Variants in ZNF749 observed in about 807,000 individuals in gnomAD.
ZNF749 encodes the protein zinc finger protein 749.
A neutral mutation model predicts 7.3 loss-of-function variants in ZNF749; 8 were observed. The observed-to-expected ratio is 1.10, with a 90% CI of 0.64 to 1.98. The LOEUF is 1.98. Ranked by LOEUF, ZNF749 falls within the 30% of genes most tolerant of loss-of-function variation. ZNF749 has a pLI of 0.00. For missense variants in ZNF749, 898 were observed against 932.4 expected (o/e 0.96, Z 0.48); for synonymous variants, 310 against 322.4 (o/e 0.96, Z 0.41).
rs1443494313 is a variant in ZNF749, at chr19:57,436,487, G to A, written c.15+894G>A. Among the ~76,000 whole-genome samples the A allele has an allele frequency of 6.6e-6, 1 of 152,164 alleles. No homozygotes were observed. The highest frequency in any genetic ancestry group is 1.5e-5 in the Non-Finnish European group (1 of 68,030). ...ACTCCCTGCAGAAGGGAGCAGATAT[G>A]GGCTAAGAGTCTGGTCTGTTTCTGT... On this transcript the variant is annotated intron_variant, in intron 1 of 2. Transcript: ENST00000334181. The surrounding 1 kb of genome is among the most constrained non-coding windows in gnomAD (Gnocchi z 4.0).
rs755842075 is a variant in ZNF749, at chr19:57,443,874, T to G, written c.726T>G (p.Tyr242Ter). The change falls in exon 3 of 3, where the codon TAT becomes TAG. Residue 242 changes from tyrosine (Y) to a stop codon, truncating the protein, a stop_gained. Coordinates refer to ENST00000334181, the MANE Select transcript of ZNF749 (RefSeq NM_001023561.4). LOFTEE classifies it low-confidence loss of function (END_TRUNC). ...LFRYNSNLIK[Y>*]QQNHAGERPY... ...GGTACAACTCCAACCTTATTAAATA[T>G]CAGCAAAATCATGCTGGAGAAAGGC... 1 of 1,613,518 alleles carries G rather than the reference T, an allele frequency of 6.2e-7. No homozygotes were observed. The highest frequency in any genetic ancestry group is 2.2e-5 in the East Asian group (1 of 44,880).
At position 57,439,650 on chromosome 19, in the gene ZNF749, G is replaced by A. The variant is rs1008407917; in HGVS notation, c.16-2235G>A. Among the ~76,000 whole-genome samples the A allele has an allele frequency of 9.2e-5, 14 of 151,968 alleles. No individual in the cohort carries two copies. The highest frequency in any genetic ancestry group is 2.1e-4 in the South Asian group (1 of 4,802). On this transcript the variant is annotated intron_variant, in intron 1 of 2. Coordinates refer to ENST00000334181, the MANE Select transcript of ZNF749 (RefSeq NM_001023561.4). This position sits in a 1 kb window ranked among gnomAD's most constrained non-coding sequence, Gnocchi z 4.3. ...CGTCTCTCTGTGGTCTCAGCTAATCGGCGTGCTGAGGCAGGAGGGTCACCT... is the reference window on the plus strand; with the variant it reads ...CGTCTCTCTGTGGTCTCAGCTAATCAGCGTGCTGAGGCAGGAGGGTCACCT...
upstream of ZNF749, among the ~76,000 whole-genome samples, chr19:57,430,406 C>T (rs1413679547): frequency 6.6e-6 from 1 of 152,198 alleles, no homozygotes; most frequent in Non-Finnish European, 1.5e-5. Context: ...GGTTCCACCT[C>T]TTAATATTGT....
chr19:57,443,487 A>T lies in ZNF749; in HGVS notation c.339A>T (p.Thr113=). Residue 113 remains threonine, a synonymous_variant, in exon 3 of 3, where the codon ACA becomes ACT. Coordinates refer to ENST00000334181, the MANE Select transcript of ZNF749 (RefSeq NM_001023561.4). ...DGTHPEQGLY[T]CAAEHDLHQK... ...CACACCCTGAGCAAGGGCTGTACAC[A>T]TGTGCAGCAGAGCATGACCTGCACC... 1 of 1,614,218 alleles carries T rather than the reference A, an allele frequency of 6.2e-7. No individual in the cohort carries two copies. Among genetic ancestry groups the T allele is most frequent in the Non-Finnish European group, 8.5e-7 (1 of 1,180,008 alleles).
intron 2 of ZNF749, 103 bp from the exon 3 acceptor site, chr19:57,443,188 T>G (rs2089010438): frequency 9.0e-6 from 9 of 1,003,390 alleles, no homozygotes; most frequent in Non-Finnish European, 1.3e-5. Flanking sequence ...CTGTGACCAG[T>G]CCTGTGCCCT....
At position 57,445,369 on chromosome 19, in the gene ZNF749, C is replaced by T. The variant is rs776272470; in HGVS notation, c.2221C>T (p.Arg741Cys). 9 of 1,613,596 alleles carry T rather than the reference C, an allele frequency of 5.6e-6. No homozygotes were observed. Among genetic ancestry groups the T allele is most frequent in the South Asian group, 1.1e-5 (1 of 91,072 alleles). The change falls in exon 3 of 3, where the codon CGC (arginine) becomes TGC (cysteine). Residue 741 changes from arginine (R) to cysteine (C), a missense_variant. Physicochemically the swap from Arg to Cys is radical, Grantham distance 180 (BLOSUM62 -3). Coordinates refer to ENST00000334181, the MANE Select transcript of ZNF749 (RefSeq NM_001023561.4). ...CTTCAACAAATGTAATACTGGTCAG[C>T]GCCAAAAAACTCACACTGGAGAAAG... ...KDFNKCNTGQRQKTHTGERSY... is the reference protein window; with the variant it reads ...KDFNKCNTGQCQKTHTGERSY...
At chr19:57,435,259 G>C, upstream of ZNF749, 1 of 515,218 alleles carries the variant, frequency 1.9e-6, no homozygotes, top group South Asian at 2.2e-5. Context: ...TGCGGGGGCA[G>C]GGCAGCGAGT....
Position 57,445,552 on chromosome 19 carries a change from C to T in ZNF749, c.*67C>T. On this transcript the variant is annotated 3_prime_UTR_variant, in exon 3 of 3. Coordinates refer to ENST00000334181, the MANE Select transcript of ZNF749 (RefSeq NM_001023561.4). ...CAGCACCAAAAGGTTCACATCGGAC[C>T]AAGAACCTATTAATATATGTAAATC... 2 of 1,526,764 alleles carry T rather than the reference C, an allele frequency of 1.3e-6. No individual in the cohort carries two copies. Among genetic ancestry groups the T allele is most frequent in the South Asian group, 2.7e-5 (2 of 74,776 alleles). The allele number at this position is 1,526,764 out of a possible 1,614,324, so 94.6% of individuals were successfully genotyped here.
chr19:57,428,918 C>G, the ZNF749 span, among the ~76,000 whole-genome samples: 1 of 152,186 alleles, frequency 6.6e-6, no homozygotes, highest in Admixed American at 6.5e-5. Flanking sequence ...AATAAGTCCT[C>G]AAGTTCTTCC....
At position 57,444,572 on chromosome 19, in the gene ZNF749, G is replaced by A. The variant is rs1388610664; in HGVS notation, c.1424G>A (p.Arg475Lys). The change falls in exon 3 of 3, where the codon AGG (arginine) becomes AAG (lysine). Residue 475 changes from arginine to lysine, a missense_variant. Coordinates refer to ENST00000334181, the MANE Select transcript of ZNF749 (RefSeq NM_001023561.4). ...AGGTCTGACCTCATTCAACACAAGA[G>A]GATTGACATTAGGCCAAGGCCTTAT... ...SKRSDLIQHK[R>K]IDIRPRPYTC... is the part of the protein sequence containing the mutation. 1 of 1,613,388 alleles carries A rather than the reference G, an allele frequency of 6.2e-7. No individual in the cohort carries two copies. The highest frequency in any genetic ancestry group is 8.5e-7 in the Non-Finnish European group (1 of 1,179,854).
At chr19:57,440,860 G>A (rs2088980533) in intron 1 of ZNF749, among the ~76,000 whole-genome samples, 1 of 152,172 alleles carries the variant, frequency 6.6e-6, no homozygotes, top group African/African-American at 2.4e-5. Context: ...GGGCGCAGTG[G>A]CTCATGTCTG....
At position 57,445,014 on chromosome 19, in the gene ZNF749, A is replaced by C; in HGVS notation, c.1866A>C (p.Arg622Ser). The C allele has an allele frequency of 6.2e-7, 1 of 1,614,206 alleles. No individual in the cohort carries two copies. The highest frequency in any genetic ancestry group is 8.5e-7 in the Non-Finnish European group (1 of 1,180,032). ...YKCSKCGKFF[R>S]YRCTLSRHQK... is the part of the protein sequence containing the mutation. ...GCAGCAAATGTGGGAAATTCTTTAG[A>C]TATCGCTGTACACTGAGTAGACATC... Residue 622 changes from arginine (R) to serine (S), a missense_variant, in exon 3 of 3, where the codon AGA (arginine) becomes AGC (serine). Physicochemically the swap from Arg to Ser is moderately radical, Grantham distance 110. Coordinates refer to ENST00000334181, the MANE Select transcript of ZNF749 (RefSeq NM_001023561.4).
rs1339885370 is a variant in ZNF749, at chr19:57,442,933, T to C, written c.143-358T>C. On this transcript the variant is annotated intron_variant, in intron 2 of 2. Transcript: ENST00000334181. This position sits in a 1 kb window ranked among gnomAD's most constrained non-coding sequence, Gnocchi z 6.6. ...GACCTGTACTTTAGGTGTTATGAGGTCTGCGTGTATCCTTCAGTAGTCCAT... is the reference window on the plus strand; with the variant it reads ...GACCTGTACTTTAGGTGTTATGAGGCCTGCGTGTATCCTTCAGTAGTCCAT... Among the ~76,000 whole-genome samples the C allele has an allele frequency of 6.6e-6, 1 of 152,162 alleles. No individual in the cohort carries two copies.
Position 57,445,429 on chromosome 19 carries a change from A to G in ZNF749, c.2281A>G (p.Lys761Glu), listed in dbSNP as rs999191046. Residue 761 changes from lysine to glutamate, a missense_variant, in exon 3 of 3, where the codon AAA becomes GAA. Lys to Glu is a moderately conservative substitution (Grantham distance 56). Transcript: ENST00000334181. ...GTGTGGTGAATCCAGCAAAGTGTTT[A>G]AATACAACTCCAGCCTCATTAAACA... Reference protein sequence around the residue: ...YECGESSKVFKYNSSLIKHQI... With the variant: ...YECGESSKVFEYNSSLIKHQI... 41 of 1,613,726 alleles carry G rather than the reference A, an allele frequency of 2.5e-5. No homozygotes were observed. The highest frequency in any genetic ancestry group is 3.5e-5 in the Non-Finnish European group (41 of 1,179,776).
At position 57,443,291 on chromosome 19, in the gene ZNF749, G is replaced by A. The variant is rs748507532; in HGVS notation, c.143G>A (p.Gly48Asp). The A allele has an allele frequency of 2.5e-6, 4 of 1,593,200 alleles. No individual in the cohort carries two copies. The highest frequency in any genetic ancestry group is 2.7e-5 in the African/African-American group (2 of 74,684). Residue 48 changes from glycine (G) to aspartate (D), a missense_variant and splice_region_variant, in exon 3 of 3, where the codon GGT becomes GAT. Coordinates refer to ENST00000334181, the MANE Select transcript of ZNF749 (RefSeq NM_001023561.4). ...TTCACCAGCATTTCTGTTCTTACAGGTTGTTGGCATGGAGCCAAGGATGAG... is the reference window on the plus strand; with the variant it reads ...TTCACCAGCATTTCTGTTCTTACAGATTGTTGGCATGGAGCCAAGGATGAG... ...LENFALLSSVGCWHGAKDEEV... is the reference protein window; with the variant it reads ...LENFALLSSVDCWHGAKDEEV...
chr19:57,443,631 T>C lies in ZNF749; in HGVS notation c.483T>C (p.Phe161=), dbSNP rs2089019042. The change falls in exon 3 of 3, where the codon TTT becomes TTC. Residue 161 remains phenylalanine, a synonymous_variant. Transcript: ENST00000334181. Reference sequence around the variant, plus strand: ...CATGCACGCAGGGTGGCAAGGATTTTACTGCCAGCTCAGACCTTCTCCAGC... The same window carrying C: ...CATGCACGCAGGGTGGCAAGGATTTCACTGCCAGCTCAGACCTTCTCCAGC... ...NFTCTQGGKD[F]TASSDLLQQQ... 6.2e-7 allele frequency: 1 copy of C among 1,614,242 alleles called. No individual in the cohort carries two copies. The highest frequency in any genetic ancestry group is 2.2e-5 in the East Asian group (1 of 44,874).
Position 57,444,887 on chromosome 19 carries a change from G to C in ZNF749, c.1739G>C (p.Gly580Ala). Residue 580 changes from glycine (G) to alanine (A), a missense_variant, in exon 3 of 3, where the codon GGA (glycine) becomes GCA (alanine). Transcript: ENST00000334181. ...GATGGTCACCAGAAAATCCAGACTG[G>C]AGAACGGCGTTATGAATGCAATGAA... is the stretch of plus-strand genomic sequence containing the variant. ...HLDGHQKIQT[G>A]ERRYECNECG... The C allele has an allele frequency of 2.5e-6, 4 of 1,614,202 alleles. No individual in the cohort carries two copies. Among genetic ancestry groups the C allele is most frequent in the Non-Finnish European group, 3.4e-6 (4 of 1,180,030 alleles).
At position 57,435,551 on chromosome 19, in the gene ZNF749, C is replaced by T. The variant is rs758349358; in HGVS notation, c.-28C>T. The T allele has an allele frequency of 1.9e-6, 3 of 1,601,608 alleles. No individual in the cohort carries two copies. The South Asian group carries it at 3.4e-5, about 18-fold the overall frequency. On this transcript the variant is annotated 5_prime_UTR_variant, in exon 1 of 3. Transcript: ENST00000334181. Reference sequence around the variant, plus strand: ...GACCGCCGTTCCCGCCCCGCTCTTCCCTGGGTGGACTGGAGGAGGCCGCGC... The same window carrying T: ...GACCGCCGTTCCCGCCCCGCTCTTCTCTGGGTGGACTGGAGGAGGCCGCGC...
chr19:57,438,261 T>C (rs2088954768), intron 1 of ZNF749: 2 of 388,356 alleles, frequency 5.1e-6, no homozygotes, highest in Middle Eastern at 6.4e-4. Flanking sequence ...GGCACAAGTG[T>C]TTCTTGTGAT....
Sources: gnomAD v4.1 joint callset for allele counts (sites outside exome capture counted in the v4.1 genomes callset) on GRCh38, gnomAD v4.1.1 for gene constraint, Gnocchi (gnomAD v3.1) non-coding constraint, MANE v1.5 for transcripts, NCBI Gene and HGNC (gene_info 2026-07-23, HGNC 2026-07-21) for gene names.